Variants in IMMP2L observed in about 807,000 individuals in gnomAD.
The protein encoded by IMMP2L is inner mitochondrial membrane peptidase subunit 2, also known as mitochondrial inner membrane protease subunit 2.
A neutral mutation model predicts 19.3 loss-of-function variants in IMMP2L; 18 were observed. The observed-to-expected ratio is 0.93, with a 90% CI of 0.64 to 1.38. The LOEUF (loss-of-function observed/expected upper bound fraction) is 1.38. Among genes scored for constraint, IMMP2L ranks in the 40% most tolerant of loss-of-function variants. The pLI is 0.00. For synonymous variants in IMMP2L, 76 were observed against 73.0 expected, an observed-to-expected ratio of 1.04 and a Z score of -0.21; for missense variants, 233 against 218.2, an observed-to-expected ratio of 1.07 and a Z score of -0.43.
At chr7:111,405,987 T>C (rs750394609) in intron 3 of IMMP2L, among the ~76,000 whole-genome samples, 17 of 152,250 alleles carry the variant, frequency 1.1e-4, no homozygotes, top group Non-Finnish European at 1.6e-4. Context: ...AATCTCTGTC[T>C]AGGTGATCTC....
rs117568113 is a variant in IMMP2L, at chr7:110,994,634, C to T, written c.240-31069G>A. ...CCTTTTGGAACAGCACATTCTCCTCCATGTCCCCTCCTACAACCACTTATA... is the reference window on the plus strand; with the variant it reads ...CCTTTTGGAACAGCACATTCTCCTCTATGTCCCCTCCTACAACCACTTATA... On this transcript the variant is annotated intron_variant, in intron 3 of 5. Transcript: ENST00000405709. 4.7e-4 allele frequency among the ~76,000 whole-genome samples: 71 copies of T among 152,278 alleles called. No individual in the cohort carries two copies. The East Asian group carries it at 0.013, about 27-fold the overall frequency.
At chr7:110,762,499 C>T (rs554126816) in intron 5 of IMMP2L, among the ~76,000 whole-genome samples, 11 of 152,092 alleles carry the variant, frequency 7.2e-5, no homozygotes, top group Non-Finnish European at 1.6e-4. Flanking sequence ...CATCAACTCC[C>T]GTCTAGGCCT....
At chr7:111,194,362 C>T (rs1476245513) in intron 3 of IMMP2L, among the ~76,000 whole-genome samples, 1 of 152,134 alleles carries the variant, frequency 6.6e-6, no homozygotes, top group African/African-American at 2.4e-5. Flanking sequence ...ACCATTTAGT[C>T]ATGTCAACAC....
chr7:111,421,267 C>CT (rs1227013257), intron 3 of IMMP2L, among the ~76,000 whole-genome samples: 11,527 of 122,654 alleles, frequency 0.094, 1,075 homozygotes, highest in African/African-American at 0.17. Context: ...TTGTTTTTTT[C>CT]TTTTTTTTTT....
chr7:111,295,837 C>T (rs1165974194), intron 3 of IMMP2L, among the ~76,000 whole-genome samples: 2 of 150,868 alleles, frequency 1.3e-5, no homozygotes, highest in East Asian at 1.9e-4. Context: ...CTTGGAGGTT[C>T]GATAATAAAA....
chr7:111,111,300 A>AG (rs1799167866), intron 3 of IMMP2L, among the ~76,000 whole-genome samples: 1 of 102,224 alleles, frequency 9.8e-6, no homozygotes, highest in Non-Finnish European at 1.8e-5. Flanking sequence ...TAGCAGTTGT[A>AG]AAAAAAAAAA....
intron 3 of IMMP2L, among the ~76,000 whole-genome samples, chr7:111,458,077 G>C (rs1839825992): frequency 6.6e-6 from 1 of 152,072 alleles, no homozygotes; most frequent in Non-Finnish European, 1.5e-5. Flanking sequence ...AAAAGACTTT[G>C]ATCAATTTTT....
chr7:111,111,548 C>A (rs1799204919), intron 3 of IMMP2L, among the ~76,000 whole-genome samples: 1 of 151,864 alleles, frequency 6.6e-6, no homozygotes, highest in Non-Finnish European at 1.5e-5. Context: ...ATGTTCATAA[C>A]CTGATATAGA....
chr7:111,441,074 A>AT (rs746044296), intron 3 of IMMP2L, among the ~76,000 whole-genome samples: 23 of 151,934 alleles, frequency 1.5e-4, no homozygotes, highest in Admixed American at 3.9e-4. Context: ...GCTTAAGAGA[A>AT]TTTTGTGGCT....
chr7:110,788,486 A>C (rs1382051947), intron 5 of IMMP2L, among the ~76,000 whole-genome samples: 2 of 151,708 alleles, frequency 1.3e-5, no homozygotes, highest in Admixed American at 6.6e-5. Context: ...TGAACATTGA[A>C]GTGCTCCAGG....
At chr7:111,522,748 A>G (rs1846456424) in intron 1 of IMMP2L, among the ~76,000 whole-genome samples, 1 of 152,088 alleles carries the variant, frequency 6.6e-6, no homozygotes, top group African/African-American at 2.4e-5. Context: ...AGTTAAAAAT[A>G]GAACTACCAC....
At chr7:110,982,796 G>GT (rs1821442839) in intron 3 of IMMP2L, among the ~76,000 whole-genome samples, 1 of 151,970 alleles carries the variant, frequency 6.6e-6, no homozygotes, top group Admixed American at 6.6e-5. Context: ...GGTATTTTTT[G>GT]TAAGTAGGAT....
chr7:111,496,687 C>G (rs1843625773), intron 2 of IMMP2L, among the ~76,000 whole-genome samples: 1 of 152,194 alleles, frequency 6.6e-6, no homozygotes, highest in Admixed American at 6.5e-5. Flanking sequence ...CTTTTAGACT[C>G]TGGGACTTGA....
intron 2 of IMMP2L, among the ~76,000 whole-genome samples, chr7:111,518,957 T>C (rs567893619): frequency 6.6e-5 from 10 of 152,296 alleles, no homozygotes; most frequent in African/African-American, 2.4e-4. Flanking sequence ...TGTCATTTTC[T>C]TACAGATCAC....
intron 3 of IMMP2L, among the ~76,000 whole-genome samples, chr7:111,237,418 A>G (rs999952125): frequency 1.3e-5 from 2 of 152,072 alleles, no homozygotes; most frequent in African/African-American, 4.8e-5. Flanking sequence ...CATCTGAAAT[A>G]AGTTAAATAA....
chr7:111,411,458 C>G (rs949181420), intron 3 of IMMP2L: 10 of 501,230 alleles, frequency 2.0e-5, no homozygotes, highest in Admixed American at 6.1e-5. Flanking sequence ...CTTCGTGTAC[C>G]TGAACGAAGT....
intron 3 of IMMP2L, among the ~76,000 whole-genome samples, chr7:110,988,029 T>C (rs930882915): frequency 5.3e-5 from 8 of 152,258 alleles, no homozygotes; most frequent in African/African-American, 1.4e-4. Context: ...CTAAATAGTA[T>C]GGGAAGCTGA....
intron 3 of IMMP2L, among the ~76,000 whole-genome samples, chr7:111,224,879 TTTTA>T (rs1812910746): frequency 6.6e-6 from 1 of 152,158 alleles, no homozygotes; most frequent in African/African-American, 2.4e-5. Flanking sequence ...GCAAAGTCTG[TTTTA>T]TTTAAGAATG....
chr7:111,556,777 A>C (rs1354459662), intron 1 of IMMP2L, among the ~76,000 whole-genome samples: 1 of 151,992 alleles, frequency 6.6e-6, no homozygotes, highest in Non-Finnish European at 1.5e-5. Flanking sequence ...ATGTACTTTT[A>C]TCCGTATCTA....
Sources: gnomAD v4.1 joint callset for allele counts (sites outside exome capture counted in the v4.1 genomes callset) on GRCh38, gnomAD v4.1.1 for gene constraint, MANE v1.5 for transcripts, NCBI Gene and HGNC (gene_info 2026-07-23, HGNC 2026-07-21) for gene names.